The following PCSK5 variants were observed in gnomAD, a reference collection of about 807,000 sequenced individuals.
PCSK5 encodes the protein prohormone convertase 5.
PCSK5 carries 129 observed loss-of-function variants against 233.2 expected under a neutral mutation model. The observed-to-expected ratio is 0.55, with a 90% CI of 0.48 to 0.64. The LOEUF is 0.64. PCSK5 is among the 30% of genes least tolerant of loss of function. PCSK5 has a pLI of 0.00. For synonymous variants in PCSK5, 825 were observed against 879.2 expected, an observed-to-expected ratio of 0.94 and a Z score of 1.09; for missense variants, 2,076 against 2,430.1, an observed-to-expected ratio of 0.85 and a Z score of 3.06.
rs753114449 is a variant in PCSK5, at chr9:76,321,410, T to C, written c.3885-12T>C. On this transcript the variant is annotated splice_polypyrimidine_tract_variant and intron_variant, in intron 30 of 37. Coordinates refer to ENST00000674117, the MANE Select transcript of PCSK5 (RefSeq NM_001372043.1). ...TCAGCTTCTCCAGTTGCACTCTGTC[T>C]TCCTTCCACAGGGGCTCTTATGCAG... 1 of 1,436,238 alleles carries C rather than the reference T, an allele frequency of 7.0e-7. No homozygotes were observed. The highest frequency in any genetic ancestry group is 2.3e-5 in the East Asian group (1 of 43,904). The allele number at this position is 1,436,238 out of a possible 1,614,324, so 89.0% of individuals were successfully genotyped here.
At chr9:76,026,278 C>A (rs1043325878) in intron 4 of PCSK5, among the ~76,000 whole-genome samples, 1 of 152,094 alleles carries the variant, frequency 6.6e-6, no homozygotes, top group Non-Finnish European at 1.5e-5. Context: ...GATACTGTTT[C>A]CTCATTTTGA....
intron 3 of PCSK5, among the ~76,000 whole-genome samples, chr9:76,010,335 A>G (rs984532682): frequency 6.6e-6 from 1 of 152,214 alleles, no homozygotes; most frequent in Non-Finnish European, 1.5e-5. Context: ...AAAACATTCC[A>G]AACTATTAAT....
intron 2 of PCSK5, among the ~76,000 whole-genome samples, chr9:75,933,725 G>A (rs1413714425): frequency 6.6e-6 from 1 of 152,102 alleles, no homozygotes; most frequent in African/African-American, 2.4e-5. Flanking sequence ...CATTTTCATG[G>A]TCTGTGGATT....
intron 1 of PCSK5, among the ~76,000 whole-genome samples, chr9:75,903,363 T>C (rs1330643706): frequency 6.6e-6 from 1 of 151,776 alleles, no homozygotes; most frequent in Non-Finnish European, 1.5e-5. Flanking sequence ...AGTATTTAAG[T>C]TTCTATTTTA....
intron 20 of PCSK5, among the ~76,000 whole-genome samples, chr9:76,222,455 C>G (rs1825757794): frequency 6.6e-6 from 1 of 152,116 alleles, no homozygotes; most frequent in Non-Finnish European, 1.5e-5. Context: ...ATCTCCAGAC[C>G]TTCATCATCT....
At chr9:75,898,300 T>G (rs985762762) in intron 1 of PCSK5, among the ~76,000 whole-genome samples, 1 of 152,180 alleles carries the variant, frequency 6.6e-6, no homozygotes, top group Non-Finnish European at 1.5e-5. Flanking sequence ...AAAAAATGAT[T>G]GTGGGCCTGT....
chr9:76,334,049 G>A (rs1829610203), intron 34 of PCSK5, among the ~76,000 whole-genome samples: 1 of 152,136 alleles, frequency 6.6e-6, no homozygotes, highest in Non-Finnish European at 1.5e-5. Context: ...ATGGCAGAAG[G>A]CAAGTAGGAG....
chr9:76,077,487 T>A (rs113311572), intron 7 of PCSK5, among the ~76,000 whole-genome samples: 1,724 of 152,262 alleles, frequency 0.011, 22 homozygotes, highest in African/African-American at 0.025. Flanking sequence ...GTAAATTGTG[T>A]GATGCTGAGG....
chr9:76,271,462 A>G lies in PCSK5; in HGVS notation c.3143-20771A>G, dbSNP rs181546293. On this transcript the variant is annotated intron_variant, in intron 24 of 37. Transcript: ENST00000674117. ...GGCAGCTCTCTTTCGAATATTTTAAAGATCAAGGCAGGAACACATGGTATC... is the reference window on the plus strand; with the variant it reads ...GGCAGCTCTCTTTCGAATATTTTAAGGATCAAGGCAGGAACACATGGTATC... Among the ~76,000 whole-genome samples the G allele has an allele frequency of 1.8e-4, 27 of 152,328 alleles. No homozygotes were observed. The Middle Eastern group carries it at 0.01, about 58-fold the overall frequency.
chr9:76,082,017 A>T (rs1830859446), intron 7 of PCSK5, among the ~76,000 whole-genome samples: 1 of 152,168 alleles, frequency 6.6e-6, no homozygotes, highest in Non-Finnish European at 1.5e-5. Context: ...TTTCATAGGC[A>T]AATCTTGTCA....
intron 24 of PCSK5, among the ~76,000 whole-genome samples, chr9:76,271,733 G>A (rs566261608): frequency 6.6e-6 from 1 of 152,240 alleles, no homozygotes; most frequent in African/African-American, 2.4e-5. Context: ...TCACAGTTCT[G>A]GAGGCTGGAA....
chr9:75,905,848 C>A (rs551455536), intron 1 of PCSK5, among the ~76,000 whole-genome samples: 4 of 152,108 alleles, frequency 2.6e-5, no homozygotes, highest in Non-Finnish European at 5.9e-5. Context: ...AAAACCATTG[C>A]CCCCTCCCCT....
chr9:75,997,006 A>T (rs990336589), intron 3 of PCSK5, among the ~76,000 whole-genome samples: 4 of 152,052 alleles, frequency 2.6e-5, no homozygotes, highest in Admixed American at 1.3e-4. Context: ...CTTTTCACTC[A>T]GTATTGGGAT....
At chr9:76,089,068 C>G (rs1294245725) in intron 7 of PCSK5, among the ~76,000 whole-genome samples, 2 of 151,226 alleles carry the variant, frequency 1.3e-5, no homozygotes, top group African/African-American at 2.4e-5. Flanking sequence ...AAAATAGGAA[C>G]AGTTCTTTAT....
chr9:76,339,239 T>C (rs958117669), intron 35 of PCSK5, among the ~76,000 whole-genome samples: 1 of 152,180 alleles, frequency 6.6e-6, no homozygotes, highest in African/African-American at 2.4e-5. Flanking sequence ...ATGAAATACT[T>C]CTATATTTTA....
chr9:76,257,187 T>G (rs1827009948), intron 24 of PCSK5, among the ~76,000 whole-genome samples: 1 of 152,168 alleles, frequency 6.6e-6, no homozygotes, highest in South Asian at 2.1e-4. Flanking sequence ...GTGACTTCTG[T>G]GCCTGTTATT....
chr9:76,119,368 G>A (rs549750579), intron 9 of PCSK5, among the ~76,000 whole-genome samples: 2 of 152,034 alleles, frequency 1.3e-5, no homozygotes, highest in African/African-American at 2.4e-5. Context: ...GTATTATTTA[G>A]TCAAATATAT....
intron 24 of PCSK5, among the ~76,000 whole-genome samples, chr9:76,262,650 G>A (rs964589969): frequency 3.3e-5 from 5 of 151,306 alleles, no homozygotes; most frequent in East Asian, 1.9e-4. Flanking sequence ...AGACTTAAAC[G>A]TTAGACCTAA....
intron 27 of PCSK5, among the ~76,000 whole-genome samples, chr9:76,300,098 T>C (rs1239565851): frequency 1.3e-5 from 2 of 152,242 alleles, no homozygotes; most frequent in South Asian, 2.1e-4. Context: ...AGCCTGTCTC[T>C]TGATCTTAAT....
Sources: gnomAD v4.1 joint callset for allele counts (sites outside exome capture counted in the v4.1 genomes callset) on GRCh38, gnomAD v4.1.1 for gene constraint, MANE v1.5 for transcripts, NCBI Gene and HGNC (gene_info 2026-07-23, HGNC 2026-07-21) for gene names.